Variants in ANXA8 observed in about 807,000 individuals in gnomAD.
ANXA8 encodes annexin A8.
Under a neutral mutation model 26.8 loss-of-function variants are expected in ANXA8, and 9 were observed. The ratio of observed to expected loss-of-function variants is 0.34; its 90% CI spans 0.20 to 0.59. The LOEUF (loss-of-function observed/expected upper bound fraction) is 0.59. Ranked by LOEUF, ANXA8 falls within the 20% of genes least tolerant of loss-of-function variation. The probability of loss-of-function intolerance (pLI) is 0.84; values close to 1 mark genes in which losing one functional copy is unlikely to be tolerated. For synonymous variants in ANXA8, 39 were observed against 94.8 expected, an observed-to-expected ratio of 0.41 and a Z score of 3.42; for missense variants, 83 against 238.5, an observed-to-expected ratio of 0.35 and a Z score of 4.29.
At chr10:47,506,839 C>T in the ANXA8 span, among the ~76,000 whole-genome samples, 24 of 138,310 alleles carry the variant, frequency 1.7e-4, no homozygotes, top group Admixed American at 7.5e-4. Context: ...CGGGGTTTCG[C>T]CGTGTTAGCC....
At chr10:47,958,128 A>G in the ANXA8 span, among the ~76,000 whole-genome samples, 1 of 150,222 alleles carries the variant, frequency 6.7e-6, no homozygotes, top group Non-Finnish European at 1.5e-5. Flanking sequence ...AAGACAGAAC[A>G]CCATGACTGT....
the ANXA8 span, among the ~76,000 whole-genome samples, chr10:47,627,082 T>A: frequency 6.7e-6 from 1 of 149,334 alleles, no homozygotes; most frequent in Non-Finnish European, 1.5e-5. Context: ...AAAAAGGAAA[T>A]TCTAGCAATA....
chr10:47,509,059 C>G, the ANXA8 span, among the ~76,000 whole-genome samples: 6,853 of 116,692 alleles, frequency 0.059, 209 homozygotes, highest in African/African-American at 0.22. Context: ...CTCAAACTTG[C>G]TGGTGGCAAA....
chr10:47,628,127 C>T, the ANXA8 span, among the ~76,000 whole-genome samples: 5 of 148,954 alleles, frequency 3.4e-5, no homozygotes, highest in African/African-American at 7.4e-5. Flanking sequence ...GCATCCCTTT[C>T]GACAAATAAA....
At chr10:47,648,243 A>T in the ANXA8 span, among the ~76,000 whole-genome samples, 178 of 151,646 alleles carry the variant, frequency 1.2e-3, 4 homozygotes, top group African/African-American at 4.0e-3. Flanking sequence ...CCAATAGCAG[A>T]ACGTAGCAGG....
intron 7 of ANXA8, among the ~76,000 whole-genome samples, 162 bp from the exon 8 acceptor site, chr10:47,474,560 T>C (rs1459387900): frequency 2.3e-5 from 2 of 86,922 alleles, no homozygotes; most frequent in African/African-American, 8.4e-5. Context: ...CCCCTTTCTC[T>C]AGCAGCTCTG....
the ANXA8 span, among the ~76,000 whole-genome samples, chr10:47,509,949 A>G: frequency 3.5e-5 from 5 of 142,526 alleles, no homozygotes; most frequent in African/African-American, 5.1e-5. Flanking sequence ...TAAAGACATC[A>G]AAAAGACACA....
chr10:47,658,621 T>G, the ANXA8 span, among the ~76,000 whole-genome samples: 14 of 136,502 alleles, frequency 1.0e-4, 1 homozygote, highest in Non-Finnish European at 2.1e-4. Context: ...TGGTTTGAGT[T>G]GTATTTGATG....
the ANXA8 span, among the ~76,000 whole-genome samples, chr10:47,768,214 T>C: frequency 1.3e-5 from 2 of 151,468 alleles, no homozygotes; most frequent in Non-Finnish European, 2.9e-5. Context: ...ACAATTAATT[T>C]ACTGCTCAGC....
the ANXA8 span, among the ~76,000 whole-genome samples, chr10:47,700,549 C>A: frequency 1.3e-5 from 2 of 151,438 alleles, no homozygotes; most frequent in South Asian, 4.2e-4. Flanking sequence ...CATGCAACAA[C>A]AAGAAGGAAA....
chr10:47,639,060 G>C, the ANXA8 span, among the ~76,000 whole-genome samples: 1 of 150,258 alleles, frequency 6.7e-6, no homozygotes, highest in Non-Finnish European at 1.5e-5. Flanking sequence ...AGAAAAATGA[G>C]TGCTGTATCT....
chr10:47,682,721 C>A, the ANXA8 span, among the ~76,000 whole-genome samples: 1 of 151,960 alleles, frequency 6.6e-6, no homozygotes, highest in Non-Finnish European at 1.5e-5. Flanking sequence ...CTGCCCACTT[C>A]GGCCTCCCAA....
the ANXA8 span, among the ~76,000 whole-genome samples, chr10:47,700,697 A>G: frequency 2.6e-5 from 4 of 151,792 alleles, no homozygotes; most frequent in Middle Eastern, 3.4e-3. Context: ...CACTATAAAC[A>G]AAGTCAAAAG....
At chr10:47,680,255 T>C in the ANXA8 span, among the ~76,000 whole-genome samples, 2 of 151,912 alleles carry the variant, frequency 1.3e-5, no homozygotes, top group Non-Finnish European at 2.9e-5. Flanking sequence ...AAAATATTAT[T>C]ACAAAATAGC....
chr10:47,981,475 T>TA, the ANXA8 span, among the ~76,000 whole-genome samples: 284 of 107,060 alleles, frequency 2.7e-3, 1 homozygote, highest in African/African-American at 8.9e-3. Context: ...TATGTAAATT[T>TA]AAAAAATAGC....
At chr10:47,942,581 G>C in the ANXA8 span, among the ~76,000 whole-genome samples, 2 of 142,322 alleles carry the variant, frequency 1.4e-5, no homozygotes, top group Admixed American at 7.0e-5. Flanking sequence ...TAAGAGATGA[G>C]AAATACACGT....
At chr10:47,900,726 G>A in the ANXA8 span, among the ~76,000 whole-genome samples, 1 of 95,638 alleles carries the variant, frequency 1.0e-5, no homozygotes, top group Admixed American at 1.0e-4. Flanking sequence ...CAGAATGACT[G>A]TTTCTCCTTA....
At chr10:47,548,455 C>T in the ANXA8 span, among the ~76,000 whole-genome samples, 67 of 152,214 alleles carry the variant, frequency 4.4e-4, no homozygotes, top group Non-Finnish European at 8.7e-4. Context: ...GCATGCACCA[C>T]CTCACCCGTC....
chr10:47,954,515 T>G, the ANXA8 span, among the ~76,000 whole-genome samples: 2 of 151,128 alleles, frequency 1.3e-5, no homozygotes, highest in Non-Finnish European at 2.9e-5. Flanking sequence ...TCAACAATAA[T>G]TTTTAGTATA....
Sources: gnomAD v4.1 joint callset for allele counts (sites outside exome capture counted in the v4.1 genomes callset) on GRCh38, gnomAD v4.1.1 for gene constraint, MANE v1.5 for transcripts, NCBI Gene and HGNC (gene_info 2026-07-23, HGNC 2026-07-21) for gene names.